ASPHD2: variants seen among roughly 807,000 people sequenced by gnomAD.
ASPHD2 encodes the protein aspartate beta-hydroxylase domain containing 2, also known as aspartate beta-hydroxylase domain-containing protein 2.
A neutral mutation model predicts 34.6 loss-of-function variants in ASPHD2; 12 were observed. The observed-to-expected ratio is 0.35, with a 90% CI of 0.22 to 0.56. The LOEUF is 0.56. Among genes scored for constraint, ASPHD2 ranks in the 20% least tolerant of loss-of-function variants. ASPHD2 has a pLI of 0.87. For missense variants in ASPHD2, 375 were observed against 505.0 expected, an observed-to-expected ratio of 0.74 and a Z score of 2.47; for synonymous variants, 224 against 212.2, an observed-to-expected ratio of 1.06 and a Z score of -0.48.
chr22:26,439,023 C>A (rs138213000), intron 2 of ASPHD2, among the ~76,000 whole-genome samples: 2,149 of 152,298 alleles, frequency 0.014, 48 homozygotes, highest in African/African-American at 0.049. Flanking sequence ...CACATAGACA[C>A]ACCCAGGATT....
At position 26,443,516 on chromosome 22, in the gene ASPHD2, A is replaced by G; in HGVS notation, c.*310A>G. ...TGACCAGAGACTTAGTGCCCTTGTAAGTCTGTCTTCTGTTGCTACTTGTTT... is the reference window on the plus strand; with the variant it reads ...TGACCAGAGACTTAGTGCCCTTGTAGGTCTGTCTTCTGTTGCTACTTGTTT... On this transcript the variant is annotated 3_prime_UTR_variant, in exon 4 of 4. Coordinates refer to ENST00000215906, the MANE Select transcript of ASPHD2 (RefSeq NM_020437.5). 1 of 230,210 alleles carries G rather than the reference A, an allele frequency of 4.3e-6. No homozygotes were observed. The highest frequency in any genetic ancestry group is 8.4e-5 in the South Asian group (1 of 11,848). The allele number at this position is 230,210 out of a possible 1,614,324, so 14.3% of individuals were successfully genotyped here.
Position 26,433,533 on chromosome 22 carries a change from G to A in ASPHD2, c.-83G>A. On this transcript the variant is annotated 5_prime_UTR_variant, in exon 2 of 4. It removes an upstream start codon present in the reference 5' UTR. Coordinates refer to ENST00000215906, the MANE Select transcript of ASPHD2 (RefSeq NM_020437.5). This position sits in a 1 kb window ranked among gnomAD's most constrained non-coding sequence, Gnocchi z 5.1. ...ACGGCCAACCTTGTCGTTCATCAATGCCGCCCCTGGCAGTATCTGAGGATC... is the reference window on the plus strand; with the variant it reads ...ACGGCCAACCTTGTCGTTCATCAATACCGCCCCTGGCAGTATCTGAGGATC... 10 of 1,056,878 alleles carry A rather than the reference G, an allele frequency of 9.5e-6. No homozygotes were observed. Among genetic ancestry groups the A allele is most frequent in the Non-Finnish European group, 1.4e-5 (10 of 719,442 alleles). The allele number at this position is 1,056,878 out of a possible 1,614,324, so 65.5% of individuals were successfully genotyped here. A position where few individuals can be genotyped will look rare whatever the true frequency, so the allele number is the denominator to read the frequency against.
intron 2 of ASPHD2, among the ~76,000 whole-genome samples, chr22:26,438,498 CAT>C (rs1158367821): frequency 1.8e-5 from 2 of 108,426 alleles, no homozygotes; most frequent in South Asian, 5.5e-4. Context: ...TAGATACACA[CAT>C]ACATATATAT....
At chr22:26,441,953 G>A (rs921567538) in intron 2 of ASPHD2, among the ~76,000 whole-genome samples, 3 of 150,256 alleles carry the variant, frequency 2.0e-5, no homozygotes, top group Non-Finnish European at 4.4e-5. Flanking sequence ...TTAGCCGGGT[G>A]AGGTGGTGGG....
At chr22:26,432,728 G>A (rs1436795549) in intron 1 of ASPHD2, among the ~76,000 whole-genome samples, 1 of 152,158 alleles carries the variant, frequency 6.6e-6, no homozygotes, top group Non-Finnish European at 1.5e-5. Flanking sequence ...CTATGGGTGA[G>A]ACCATAGGTA....
chr22:26,438,004 G>A (rs1291236251), intron 2 of ASPHD2, among the ~76,000 whole-genome samples: 3 of 152,200 alleles, frequency 2.0e-5, no homozygotes, highest in Non-Finnish European at 4.4e-5. Flanking sequence ...ATGGGGGCAG[G>A]AGCAGAATGA....
intron 1 of ASPHD2, among the ~76,000 whole-genome samples, chr22:26,431,847 C>T (rs554128520): frequency 1.4e-4 from 21 of 152,298 alleles, no homozygotes; most frequent in East Asian, 1.9e-4. Context: ...GCTGTCCATC[C>T]GCCATCATTC....
rs758458062 is a variant in ASPHD2, at chr22:26,433,783, C to T, written c.168C>T (p.Cys56=). 45 of 1,613,740 alleles carry T rather than the reference C, an allele frequency of 2.8e-5. No homozygotes were observed. The Middle Eastern group carries it at 9.9e-4, about 36-fold the overall frequency. Residue 56 remains cysteine (C), a synonymous_variant, in exon 2 of 4, where the codon TGC becomes TGT. Coordinates refer to ENST00000215906, the MANE Select transcript of ASPHD2 (RefSeq NM_020437.5). The surrounding 1 kb of genome is among the most constrained non-coding windows in gnomAD (Gnocchi z 5.1). ...CCGGCATCCAGTCCGTGCGGGACTGCGACACCACCGCTGTCATCACTGTGG... is the reference window on the plus strand; with the variant it reads ...CCGGCATCCAGTCCGTGCGGGACTGTGACACCACCGCTGTCATCACTGTGG... ...IATGIQSVRD[C]DTTAVITVAC...
chr22:26,440,821 C>T (rs1036670639), intron 2 of ASPHD2, among the ~76,000 whole-genome samples: 5 of 152,186 alleles, frequency 3.3e-5, no homozygotes, highest in Admixed American at 6.5e-5. Context: ...ATTTTTTAAT[C>T]GCAACTGAGA....
intron 2 of ASPHD2, among the ~76,000 whole-genome samples, chr22:26,442,012 A>G (rs925849689): frequency 1.3e-5 from 2 of 149,430 alleles, no homozygotes; most frequent in Non-Finnish European, 3.0e-5. Context: ...AGGCTGAGGT[A>G]GGAGTATCAT....
chr22:26,431,095 C>T (rs2084753269), intron 1 of ASPHD2, among the ~76,000 whole-genome samples: 1 of 152,190 alleles, frequency 6.6e-6, no homozygotes, highest in Admixed American at 6.5e-5. Flanking sequence ...AAAACCTTTC[C>T]TCCTGACAGA....
chr22:26,433,576 C>A lies in ASPHD2; in HGVS notation c.-40C>A, dbSNP rs761021126. On this transcript the variant is annotated 5_prime_UTR_variant, in exon 2 of 4. Transcript: ENST00000215906. This position sits in a 1 kb window ranked among gnomAD's most constrained non-coding sequence, Gnocchi z 5.1. ...TGAGGATCGGTGGCAGCCATGCCTC[C>A]CCCTGCCCCAGCCGCTCCTTCCCCC... 8 of 1,486,148 alleles carry A rather than the reference C, an allele frequency of 5.4e-6. No individual in the cohort carries two copies. The Admixed American group carries it at 1.4e-4, about 27-fold the overall frequency. The allele number at this position is 1,486,148 out of a possible 1,614,324, so 92.1% of individuals were successfully genotyped here.
At position 26,434,132 on chromosome 22, in the gene ASPHD2, C is replaced by A; in HGVS notation, c.517C>A (p.Leu173Met). The change falls in exon 2 of 4, where the codon CTG becomes ATG. Residue 173 changes from leucine to methionine, a missense_variant. Physicochemically the swap from Leu to Met is conservative, Grantham distance 15. Coordinates refer to ENST00000215906, the MANE Select transcript of ASPHD2 (RefSeq NM_020437.5). ...QKPEVFFLPDLPTTPYFSRDA... is the reference protein window; with the variant it reads ...QKPEVFFLPDMPTTPYFSRDA... ...GCCCGAGGTCTTCTTCCTGCCCGAC[C>A]TGCCCACCACGCCCTATTTCTCCCG... 1 of 1,611,994 alleles carries A rather than the reference C, an allele frequency of 6.2e-7. No individual in the cohort carries two copies. The highest frequency in any genetic ancestry group is 8.5e-7 in the Non-Finnish European group (1 of 1,179,146).
intron 2 of ASPHD2, among the ~76,000 whole-genome samples, chr22:26,437,388 C>G (rs895015889): frequency 1.3e-5 from 2 of 152,160 alleles, no homozygotes; most frequent in Non-Finnish European, 2.9e-5. Flanking sequence ...CCCATTTGTT[C>G]GAGACATATT....
chr22:26,439,307 G>A lies in ASPHD2; in HGVS notation c.887-3152G>A, dbSNP rs955289656. On this transcript the variant is annotated intron_variant, in intron 2 of 3. Coordinates refer to ENST00000215906, the MANE Select transcript of ASPHD2 (RefSeq NM_020437.5). ...CCAGCTACTCGGGAGGCTGAGGCAG[G>A]AGAATTGCTTGAACCCAAGAGGCAG... Among the ~76,000 whole-genome samples the A allele has an allele frequency of 2.6e-5, 4 of 152,168 alleles. No individual in the cohort carries two copies. In the East Asian group the frequency reaches 7.7e-4, roughly 29 times the overall value.
chr22:26,435,741 AAAAG>A (rs2084788108), intron 2 of ASPHD2, among the ~76,000 whole-genome samples: 1 of 138,170 alleles, frequency 7.2e-6, no homozygotes, highest in Admixed American at 7.4e-5. Flanking sequence ...AAAAGAAAAG[AAAAG>A]AAAAGAAAAG....
rs1268648598 is a variant in ASPHD2 at position 26,434,083 on chromosome 22, C to G, written c.468C>G (p.Leu156=). ...HKGIREQGRY[L]NSRPSIQKPE... ...GCATCCGCGAGCAGGGCCGGTACCT[C>G]AACAGCCGGCCCTCCATCCAGAAGC... Residue 156 remains leucine (L), a synonymous_variant, in exon 2 of 4, where the codon CTC becomes CTG. Coordinates refer to ENST00000215906, the MANE Select transcript of ASPHD2 (RefSeq NM_020437.5). The G allele has an allele frequency of 6.2e-7, 1 of 1,613,166 alleles. No homozygotes were observed. Among genetic ancestry groups the G allele is most frequent in the African/African-American group, 1.3e-5 (1 of 75,020 alleles).
intron 2 of ASPHD2, among the ~76,000 whole-genome samples, chr22:26,438,486 TATAG>T (rs67439354): frequency 0.42 from 57,257 of 136,968 alleles, 14,890 homozygotes; most frequent in East Asian, 0.53. Flanking sequence ...TATACATATA[TATAG>T]ATACACACAT....
chr22:26,433,527 A>G lies in ASPHD2; in HGVS notation c.-89A>G. On this transcript the variant is annotated 5_prime_UTR_variant, in exon 2 of 4. Coordinates refer to ENST00000215906, the MANE Select transcript of ASPHD2 (RefSeq NM_020437.5). This position sits in a 1 kb window ranked among gnomAD's most constrained non-coding sequence, Gnocchi z 5.1. ...GTGGGCACGGCCAACCTTGTCGTTCATCAATGCCGCCCCTGGCAGTATCTG... is the reference window on the plus strand; with the variant it reads ...GTGGGCACGGCCAACCTTGTCGTTCGTCAATGCCGCCCCTGGCAGTATCTG... The G allele has an allele frequency of 9.9e-7, 1 of 1,009,266 alleles. No individual in the cohort carries two copies. The highest frequency in any genetic ancestry group is 1.5e-6 in the Non-Finnish European group (1 of 679,534). 62.5% of individuals were successfully genotyped at this position (1,009,266 alleles called of 1,614,324 possible). A position where few individuals can be genotyped will look rare whatever the true frequency, so the allele number is the denominator to read the frequency against.
Sources: gnomAD v4.1 joint callset for allele counts (sites outside exome capture counted in the v4.1 genomes callset) on GRCh38, gnomAD v4.1.1 for gene constraint, Gnocchi (gnomAD v3.1) non-coding constraint, MANE v1.5 for transcripts, NCBI Gene and HGNC (gene_info 2026-07-23, HGNC 2026-07-21) for gene names.